The following PLEKHM3 variants were observed in gnomAD, a reference collection of about 807,000 sequenced individuals.
PLEKHM3 encodes pleckstrin homology domain-containing family M member 3.
A neutral mutation model predicts 81.8 loss-of-function variants in PLEKHM3; 45 were observed. That is an observed-to-expected ratio of 0.55 (90% confidence interval 0.43 to 0.71). The LOEUF is 0.71. PLEKHM3 is among the 30% of genes least tolerant of loss of function. The pLI, the probability that PLEKHM3 is intolerant of heterozygous loss-of-function variation, is 0.00. For missense variants in PLEKHM3, 788 were observed against 924.3 expected, an observed-to-expected ratio of 0.85 and a Z score of 1.91; for synonymous variants, 352 against 356.4, an observed-to-expected ratio of 0.99 and a Z score of 0.14.
chr2:207,844,983 T>G (rs2092375095), intron 7 of PLEKHM3, among the ~76,000 whole-genome samples: 1 of 152,226 alleles, frequency 6.6e-6, no homozygotes, highest in Non-Finnish European at 1.5e-5. Context: ...AGTATAATTT[T>G]GTACAGAGGG....
At chr2:207,892,655 G>A (rs1364023609) in intron 6 of PLEKHM3, among the ~76,000 whole-genome samples, 5 of 152,022 alleles carry the variant, frequency 3.3e-5, no homozygotes, top group African/African-American at 9.7e-5. Flanking sequence ...AACTTCTCTC[G>A]CCACCCCTTT....
intron 5 of PLEKHM3, among the ~76,000 whole-genome samples, chr2:207,918,512 A>C (rs1689072002): frequency 6.6e-6 from 1 of 152,094 alleles, no homozygotes; most frequent in Admixed American, 6.5e-5. Flanking sequence ...GCAAAGCAAG[A>C]CTCTGTCTCA....
intron 7 of PLEKHM3, among the ~76,000 whole-genome samples, chr2:207,845,333 C>T (rs2092376605): frequency 6.6e-6 from 1 of 152,172 alleles, no homozygotes; most frequent in Non-Finnish European, 1.5e-5. Flanking sequence ...TAAAACAGTT[C>T]ATTTCAGAAC....
At chr2:208,021,105 T>G (rs145673605) in intron 1 of PLEKHM3, among the ~76,000 whole-genome samples, 1 of 152,242 alleles carries the variant, frequency 6.6e-6, no homozygotes, top group Admixed American at 6.5e-5. Context: ...TAAACTGTAA[T>G]AGAGTATGTC....
At chr2:207,867,909 A>G (rs2105823795) in intron 6 of PLEKHM3, among the ~76,000 whole-genome samples, 1 of 152,266 alleles carries the variant, frequency 6.6e-6, no homozygotes, top group Non-Finnish European at 1.5e-5. Flanking sequence ...AAGCCAGAGG[A>G]GCATACTACC....
intron 4 of PLEKHM3, among the ~76,000 whole-genome samples, chr2:207,936,059 T>C (rs1387599580): frequency 6.6e-6 from 1 of 152,362 alleles, no homozygotes; most frequent in East Asian, 1.9e-4. Flanking sequence ...CATAGTTCAC[T>C]GTAACTTCGA....
chr2:207,958,647 C>T (rs1414341754), intron 3 of PLEKHM3, among the ~76,000 whole-genome samples: 3 of 152,130 alleles, frequency 2.0e-5, no homozygotes, highest in Admixed American at 6.5e-5. Context: ...TGGTGGCTCA[C>T]GCCTATAATC....
intron 1 of PLEKHM3, among the ~76,000 whole-genome samples, chr2:208,023,220 T>G (rs1057108605): frequency 2.0e-5 from 3 of 151,806 alleles, no homozygotes; most frequent in Non-Finnish European, 4.4e-5. Context: ...CATACCTCAC[T>G]TAACTTCCAA....
Position 207,843,880 on chromosome 2 carries a change from A to C in PLEKHM3, c.2109-15384T>G, listed in dbSNP as rs1334434648. ...CAGGGCAGGAGGATTGCTTGAGCCCAGGAGCTGGAGACCAGTCTGAGCAAC... is the reference window on the plus strand; with the variant it reads ...CAGGGCAGGAGGATTGCTTGAGCCCCGGAGCTGGAGACCAGTCTGAGCAAC... On this transcript the variant is annotated intron_variant, in intron 7 of 7. Coordinates refer to ENST00000427836, the MANE Select transcript of PLEKHM3 (RefSeq NM_001080475.3). The surrounding 1 kb of genome is among the most constrained non-coding windows in gnomAD (Gnocchi z 4.4). Among the ~76,000 whole-genome samples the C allele has an allele frequency of 6.6e-6, 1 of 152,150 alleles. No individual in the cohort carries two copies. Among genetic ancestry groups the C allele is most frequent in the Non-Finnish European group, 1.5e-5 (1 of 68,028 alleles).
chr2:207,879,475 T>C (rs138423348), intron 6 of PLEKHM3, among the ~76,000 whole-genome samples: 103 of 152,366 alleles, frequency 6.8e-4, no homozygotes, highest in Admixed American at 1.2e-3. Context: ...AACCTTTGCA[T>C]TCAAAAAGCT....
intron 6 of PLEKHM3, among the ~76,000 whole-genome samples, chr2:207,897,076 T>A (rs939352910): frequency 2.0e-5 from 3 of 152,190 alleles, no homozygotes; most frequent in African/African-American, 7.2e-5. Flanking sequence ...GCTCTCCAGG[T>A]GCAATTCCCC....
intron 7 of PLEKHM3, among the ~76,000 whole-genome samples, chr2:207,837,855 C>G: frequency 7.0e-6 from 1 of 142,178 alleles, no homozygotes; most frequent in Non-Finnish European, 1.5e-5. Context: ...ACTGCAACCT[C>G]CATATCCCGG....
chr2:207,934,215 A>G (rs1689676997), intron 4 of PLEKHM3, among the ~76,000 whole-genome samples: 1 of 152,212 alleles, frequency 6.6e-6, no homozygotes, highest in Admixed American at 6.5e-5. Flanking sequence ...AACACTGACT[A>G]TGTTCCAACT....
At chr2:207,996,863 C>A (rs1016683287) in intron 2 of PLEKHM3, among the ~76,000 whole-genome samples, 2 of 152,062 alleles carry the variant, frequency 1.3e-5, no homozygotes, top group Non-Finnish European at 2.9e-5. Context: ...ATAATAATAA[C>A]AATTATATCA....
chr2:207,959,051 T>C (rs1347565131), intron 3 of PLEKHM3, among the ~76,000 whole-genome samples: 1 of 152,234 alleles, frequency 6.6e-6, no homozygotes, highest in Non-Finnish European at 1.5e-5. Context: ...TAAGCTTTTA[T>C]ATTTTGTTCA....
chr2:207,855,035 G>A (rs947580993), intron 7 of PLEKHM3, among the ~76,000 whole-genome samples: 17 of 152,140 alleles, frequency 1.1e-4, no homozygotes, highest in Non-Finnish European at 8.8e-5. Context: ...GTCCAGGAAC[G>A]GAGGGCTTTA....
chr2:207,834,063 C>T lies in PLEKHM3; in HGVS notation c.2109-5567G>A, dbSNP rs116321904. On this transcript the variant is annotated intron_variant, in intron 7 of 7. Transcript: ENST00000427836. ...TCATTTAGAATATCATTTAAGAAGT[C>T]AATATCAGTGACGCAATGCTGTGCA... Among the ~76,000 whole-genome samples the T allele has an allele frequency of 1.0e-2, 1,516 of 151,908 alleles. 32 individuals are homozygous for T. The highest frequency in any genetic ancestry group is 0.035 in the African/African-American group (1,455 of 41,440).
intron 2 of PLEKHM3, among the ~76,000 whole-genome samples, chr2:207,987,795 A>G (rs1691777049): frequency 1.3e-5 from 2 of 151,928 alleles, no homozygotes; most frequent in African/African-American, 4.8e-5. Flanking sequence ...CTTCCACTCC[A>G]TCTTCATGAG....
At chr2:207,918,159 T>C (rs1185058238) in intron 5 of PLEKHM3, among the ~76,000 whole-genome samples, 1 of 152,228 alleles carries the variant, frequency 6.6e-6, no homozygotes, top group African/African-American at 2.4e-5. Context: ...TCATTATGTT[T>C]AGACAAATAT....
Sources: gnomAD v4.1 joint callset for allele counts (sites outside exome capture counted in the v4.1 genomes callset) on GRCh38, gnomAD v4.1.1 for gene constraint, Gnocchi (gnomAD v3.1) non-coding constraint, MANE v1.5 for transcripts, NCBI Gene and HGNC (gene_info 2026-07-23, HGNC 2026-07-21) for gene names.